The following DICER1 variants were observed in gnomAD, a reference collection of about 807,000 sequenced individuals.
DICER1 encodes endoribonuclease Dicer.
DICER1 carries 43 observed loss-of-function variants against 194.1 expected under a neutral mutation model. That is an observed-to-expected ratio of 0.22 (90% confidence interval 0.17 to 0.29). The LOEUF (loss-of-function observed/expected upper bound fraction) is 0.29. Ranked by LOEUF, DICER1 falls within the 10% of genes least tolerant of loss-of-function variation. DICER1 has a pLI of 1.00. For missense variants in DICER1, 1,608 were observed against 2,317.0 expected (o/e 0.69, Z 6.28); for synonymous variants, 832 against 820.5 (o/e 1.01, Z -0.24).
chr14:95,094,401 G>A (rs1257376409), intron 23 of DICER1, among the ~76,000 whole-genome samples: 3 of 152,126 alleles, frequency 2.0e-5, no homozygotes, highest in East Asian at 1.9e-4. Context: ...AAAGACTAAC[G>A]CTTGTTAAGA....
intron 6 of DICER1, 62 bp downstream of exon 6, chr14:95,129,410 C>T (rs1474701358): frequency 6.5e-7 from 1 of 1,535,598 alleles, no homozygotes; most frequent in Non-Finnish European, 9.0e-7. Context: ...TACAAAAACA[C>T]CAAAGACTTA....
chr14:95,089,213 TC>T lies in DICER1; in HGVS notation c.*1284del. ...ATGCCTAAAGAAGTTTTTTTTTTTT[TC>T]CTTTTCCAAAGATGGAAATAATGAG... On this transcript the variant is annotated 3_prime_UTR_variant, in exon 27 of 27. Coordinates refer to ENST00000343455, the MANE Select transcript of DICER1 (RefSeq NM_177438.3). 4.3e-6 allele frequency: 1 copy of T among 232,974 alleles called. No homozygotes were observed. The highest frequency in any genetic ancestry group is 1.8e-4 in the South Asian group (1 of 5,524). 14.4% of individuals were successfully genotyped at this position (232,974 alleles called of 1,614,324 possible).
At chr14:95,093,791 C>G (rs1595328281) in intron 24 of DICER1, 97 bp downstream of exon 24, 1 of 1,347,110 alleles carries the variant, frequency 7.4e-7, no homozygotes. Context: ...CCCTGACCTC[C>G]TGCTGTCCCT....
At chr14:95,132,792 A>C (rs1894068852) in intron 2 of DICER1, 115 bp from the exon 3 acceptor site, 1 of 1,027,804 alleles carries the variant, frequency 9.7e-7, no homozygotes, top group Non-Finnish European at 1.4e-6. Flanking sequence ...GTCCTCCAAT[A>C]AATTTACAAA....
chr14:95,129,390 T>G, intron 6 of DICER1, 82 bp downstream of exon 6: 1 of 1,349,648 alleles, frequency 7.4e-7, no homozygotes, highest in East Asian at 2.3e-5. Context: ...AGGTACTCTC[T>G]GCAAGGTACT....
At chr14:95,116,789 T>A (rs1566790724) in intron 9 of DICER1, 94 bp from the exon 10 acceptor site, 2 of 1,238,432 alleles carry the variant, frequency 1.6e-6, no homozygotes, top group South Asian at 1.2e-5. Context: ...CTGTCATTTC[T>A]GACACACATG....
At chr14:95,137,477 T>C (rs1212437860) in intron 1 of DICER1, among the ~76,000 whole-genome samples, 1 of 64,278 alleles carries the variant, frequency 1.6e-5, no homozygotes, top group Non-Finnish European at 2.8e-5. Flanking sequence ...GGGACAGGAA[T>C]GGGGATAGGG....
At position 95,113,122 on chromosome 14, in the gene DICER1, T is replaced by C; in HGVS notation, c.2010A>G (p.Pro670=). The C allele has an allele frequency of 6.2e-7, 1 of 1,613,916 alleles. No individual in the cohort carries two copies. Among genetic ancestry groups the C allele is most frequent in the Non-Finnish European group, 8.5e-7 (1 of 1,179,782 alleles). Reference sequence around the variant, plus strand: ...TGGAGGCTCGAAGAGGTGAGTTAATTGGCAGATAAAGAGTTGAATAAAATG... The same window carrying C: ...TGGAGGCTCGAAGAGGTGAGTTAATCGGCAGATAAAGAGTTGAATAAAATG... ...DGTFYSTLYL[P]INSPLRASIV... Residue 670 remains proline (P), a synonymous_variant, in exon 12 of 27, where the codon CCA becomes CCG. Transcript: ENST00000343455.
intron 15 of DICER1, 21 bp downstream of exon 15, chr14:95,108,303 T>A (rs1335397248): frequency 6.2e-7 from 1 of 1,608,686 alleles, no homozygotes; most frequent in South Asian, 1.1e-5. Flanking sequence ...TTGACATAAG[T>A]ACTCATTATG....
chr14:95,152,912 C>CGA (rs1895603748), intron 1 of DICER1, among the ~76,000 whole-genome samples: 1 of 152,140 alleles, frequency 6.6e-6, no homozygotes, highest in African/African-American at 2.4e-5. Flanking sequence ...GACCAACACA[C>CGA]GTTCCTAAAG....
In DICER1 at chr14:95,130,000, A is replaced by G. The variant is rs923201138; in HGVS notation, c.573+58T>C. The G allele has an allele frequency of 6.4e-6, 10 of 1,553,100 alleles. No homozygotes were observed. In the African/African-American group the frequency reaches 1.2e-4, roughly 19 times the overall value. Reference sequence around the variant, plus strand: ...ATTGCTTTTGAAATCTAAAAACAAAAATCTGCATTTACTCAATAGTTTACC... The same window carrying G: ...ATTGCTTTTGAAATCTAAAAACAAAGATCTGCATTTACTCAATAGTTTACC... On this transcript the variant is annotated intron_variant, in intron 5 of 26. Coordinates refer to ENST00000343455, the MANE Select transcript of DICER1 (RefSeq NM_177438.3).
In DICER1 at chr14:95,105,964, T is replaced by G; in HGVS notation, c.2987+77A>C. ...AGTCCACGGGTGGGCAGGGGGACAGTGAACCTCTGCATGTCTAGTGATGTC... is the reference window on the plus strand; with the variant it reads ...AGTCCACGGGTGGGCAGGGGGACAGGGAACCTCTGCATGTCTAGTGATGTC... On this transcript the variant is annotated intron_variant, in intron 18 of 26. Coordinates refer to ENST00000343455, the MANE Select transcript of DICER1 (RefSeq NM_177438.3). The surrounding 1 kb of genome is among the most constrained non-coding windows in gnomAD (Gnocchi z 4.9). 5 of 1,536,284 alleles carry G rather than the reference T, an allele frequency of 3.3e-6. No homozygotes were observed. Among genetic ancestry groups the G allele is most frequent in the Non-Finnish European group, 4.5e-6 (5 of 1,109,616 alleles).
At chr14:95,139,713 A>T (rs569019912) in intron 1 of DICER1, among the ~76,000 whole-genome samples, 1 of 152,324 alleles carries the variant, frequency 6.6e-6, no homozygotes, top group African/African-American at 2.4e-5. Flanking sequence ...GGATCAAGAT[A>T]TATTTCTATT....
At chr14:95,140,358 T>C (rs926856547) in intron 1 of DICER1, among the ~76,000 whole-genome samples, 2 of 152,168 alleles carry the variant, frequency 1.3e-5, no homozygotes, top group African/African-American at 4.8e-5. Flanking sequence ...TATATTTAGA[T>C]ATACAAATAC....
intron 1 of DICER1, among the ~76,000 whole-genome samples, chr14:95,138,978 A>T (rs867908273): frequency 0.039 from 3,970 of 101,924 alleles, 78 homozygotes; most frequent in South Asian, 0.086. Flanking sequence ...AAAAAAAATA[A>T]AAATAAATAA....
At chr14:95,155,507 C>A (rs2140491552) in intron 1 of DICER1, among the ~76,000 whole-genome samples, 1 of 152,286 alleles carries the variant, frequency 6.6e-6, no homozygotes, top group South Asian at 2.1e-4. Context: ...AAGACAATGT[C>A]TTCTAAAACC....
intron 11 of DICER1, among the ~76,000 whole-genome samples, chr14:95,114,906 A>G (rs1230558378): frequency 6.6e-6 from 1 of 152,202 alleles, no homozygotes; most frequent in Non-Finnish European, 1.5e-5. Flanking sequence ...TCTATCTTCC[A>G]AAGTTTCAAG....
At chr14:95,138,586 T>C (rs922179010) in intron 1 of DICER1, among the ~76,000 whole-genome samples, 1 of 152,124 alleles carries the variant, frequency 6.6e-6, no homozygotes, top group Non-Finnish European at 1.5e-5. Flanking sequence ...AGCAAAGCAC[T>C]ACACTCTGTG....
At chr14:95,132,721 T>C (rs768870418) in intron 2 of DICER1, 44 bp from the exon 3 acceptor site, 116 of 1,573,380 alleles carry the variant, frequency 7.4e-5, no homozygotes, top group Non-Finnish European at 9.5e-5. Flanking sequence ...CTTACCTAAG[T>C]ACAAAATTTA....
Sources: allele counts gnomAD v4.1 joint callset (sites outside exome capture counted in the v4.1 genomes callset), GRCh38; gene constraint gnomAD v4.1.1; non-coding constraint Gnocchi (gnomAD v3.1); transcripts MANE v1.5; gene names NCBI Gene and HGNC (gene_info 2026-07-23, HGNC 2026-07-21).